The following PAWR variants were observed in gnomAD, a reference collection of about 807,000 sequenced individuals.
The protein encoded by PAWR is PRKC apoptosis WT1 regulator protein.
In PAWR, 23 loss-of-function variants were observed where a neutral mutation model predicts 32.0. That is an observed-to-expected ratio of 0.72 (90% CI 0.52 to 1.02). The LOEUF (loss-of-function observed/expected upper bound fraction) is 1.02, where lower values mean the gene tolerates loss of function less well. Ranked by LOEUF, PAWR falls within the 50% of genes least tolerant of loss-of-function variation. The pLI is 0.00. For synonymous variants in PAWR, 226 were observed against 187.1 expected (o/e 1.21, Z -1.70); for missense variants, 457 against 437.7 (o/e 1.04, Z -0.39).
Position 79,613,378 on chromosome 12 carries a change from CAA to C in PAWR, c.683+195_683+196del, listed in dbSNP as rs1874527741. Reference sequence around the variant, plus strand: ...CCCATGCAAATTCACAGTGAGTTTTCAAAGACTTCGGCATGTCAGAATAAGCC... The same window carrying C: ...CCCATGCAAATTCACAGTGAGTTTTCAGACTTCGGCATGTCAGAATAAGCC... On this transcript the variant is annotated intron_variant, in intron 4 of 6. Transcript: ENST00000328827. Among the ~76,000 whole-genome samples, 3 of 152,152 alleles carry C rather than the reference CAA, an allele frequency of 2.0e-5. No homozygotes were observed. The South Asian group carries it at 6.2e-4, about 32-fold the overall frequency.
intron 2 of PAWR, among the ~76,000 whole-genome samples, chr12:79,632,323 A>G (rs1592516129): frequency 3.5e-5 from 1 of 28,930 alleles, no homozygotes; most frequent in South Asian, 9.2e-4. Flanking sequence ...ATATATATAT[A>G]TATATATATA....
At position 79,589,291 on chromosome 12, in the gene PAWR, T is replaced by C. The variant is rs1873477903; in HGVS notation, c.*3316A>G. The C allele has an allele frequency of 6.6e-6, 1 of 152,076 alleles. No individual in the cohort carries two copies. Among genetic ancestry groups the C allele is most frequent in the South Asian group, 2.1e-4 (1 of 4,828 alleles). The allele number at this position is 152,076 out of a possible 1,614,324, so 9.4% of individuals were successfully genotyped here. A position where few individuals can be genotyped will look rare whatever the true frequency, so the allele number is the denominator to read the frequency against. On this transcript the variant is annotated 3_prime_UTR_variant, in exon 7 of 7. Coordinates refer to ENST00000328827, the MANE Select transcript of PAWR (RefSeq NM_002583.4). ...TGTCTTACAGTGTTGAATATATGAATGCTTCTCTATTACACTGACTTGTAC... is the reference window on the plus strand; with the variant it reads ...TGTCTTACAGTGTTGAATATATGAACGCTTCTCTATTACACTGACTTGTAC...
intron 4 of PAWR, chr12:79,596,925 A>C: frequency 5.7e-6 from 2 of 352,054 alleles, no homozygotes; most frequent in Non-Finnish European, 1.0e-5. Flanking sequence ...AGCAAACACA[A>C]ACATGGACTC....
At chr12:79,678,595 C>T (rs1878284899) in intron 2 of PAWR, among the ~76,000 whole-genome samples, 1 of 152,230 alleles carries the variant, frequency 6.6e-6, no homozygotes, top group African/African-American at 2.4e-5. Flanking sequence ...AAATAAAAAC[C>T]TACCTCATGA....
chr12:79,657,408 C>T (rs527467566), intron 2 of PAWR, among the ~76,000 whole-genome samples: 2 of 150,586 alleles, frequency 1.3e-5, no homozygotes, highest in African/African-American at 4.9e-5. Context: ...GTCACCTACA[C>T]TTCAATATAT....
In PAWR at chr12:79,596,907, G is replaced by T. The variant is rs567698211; in HGVS notation, c.684-249C>A. The T allele has an allele frequency of 4.9e-4, 188 of 380,418 alleles. 1 individual carries two copies. Among genetic ancestry groups the T allele is most frequent in the African/African-American group, 3.4e-3 (164 of 47,968 alleles). The allele number at this position is 380,418 out of a possible 1,614,324, so 23.6% of individuals were successfully genotyped here. On this transcript the variant is annotated intron_variant, in intron 4 of 6. Transcript: ENST00000328827. ...AACGAACACTGTTCTGGATACTGAA[G>T]ACGTAACAGCAAACACAAACATGGA... is the stretch of plus-strand genomic sequence containing the variant.
chr12:79,631,226 T>C (rs2136743462), intron 2 of PAWR, among the ~76,000 whole-genome samples: 3 of 152,248 alleles, frequency 2.0e-5, no homozygotes, highest in Middle Eastern at 3.4e-3. Context: ...AAATCAATCT[T>C]TTCCCCTGGG....
intron 2 of PAWR, among the ~76,000 whole-genome samples, chr12:79,681,528 C>A (rs1447161795): frequency 6.6e-6 from 1 of 152,130 alleles, no homozygotes; most frequent in Non-Finnish European, 1.5e-5. Flanking sequence ...TAAAAATACT[C>A]ATGATGAGTG....
At chr12:79,593,828 G>A (rs1312026618) in intron 6 of PAWR, among the ~76,000 whole-genome samples, 1 of 149,742 alleles carries the variant, frequency 6.7e-6, no homozygotes, top group African/African-American at 2.5e-5. Context: ...TCAACCTTCT[G>A]AGTAGCTGAG....
rs1471785107 is a variant in PAWR, at chr12:79,637,251, TG to T, written c.517-16045del. Among the ~76,000 whole-genome samples, 6 of 152,258 alleles carry T rather than the reference TG, an allele frequency of 3.9e-5. 1 individual carries two copies. Among genetic ancestry groups the T allele is most frequent in the African/African-American group, 1.4e-4 (6 of 41,552 alleles). ...ACCATGTGTGTGGATTAAGTGCCTG[TG>T]CTTTCCAAAATGAGTTACTATAACC... On this transcript the variant is annotated intron_variant, in intron 2 of 6. Coordinates refer to ENST00000328827, the MANE Select transcript of PAWR (RefSeq NM_002583.4).
At chr12:79,634,139 C>T (rs1352473842) in intron 2 of PAWR, among the ~76,000 whole-genome samples, 1 of 152,074 alleles carries the variant, frequency 6.6e-6, no homozygotes, top group African/African-American at 2.4e-5. Flanking sequence ...TAAGTAAATA[C>T]ATATTTTATT....
At chr12:79,686,163 A>G (rs907478338) in intron 2 of PAWR, among the ~76,000 whole-genome samples, 4 of 152,140 alleles carry the variant, frequency 2.6e-5, no homozygotes, top group African/African-American at 4.8e-5. Flanking sequence ...TGCCACCTCT[A>G]CCTATTCAAA....
At chr12:79,682,076 C>G (rs544416747) in intron 2 of PAWR, among the ~76,000 whole-genome samples, 216 of 152,248 alleles carry the variant, frequency 1.4e-3, no homozygotes, top group Non-Finnish European at 2.7e-3. Flanking sequence ...TTAATTTCAT[C>G]TGTTTCAGTT....
intron 2 of PAWR, among the ~76,000 whole-genome samples, chr12:79,638,898 T>A (rs11114199): frequency 0.073 from 450 of 6,152 alleles, no homozygotes; most frequent in East Asian, 0.11. Context: ...ATATATATAT[T>A]TTTTTTTTTT....
At chr12:79,597,423 T>C (rs764397653) in intron 4 of PAWR, among the ~76,000 whole-genome samples, 2 of 152,130 alleles carry the variant, frequency 1.3e-5, no homozygotes, top group Admixed American at 6.6e-5. Flanking sequence ...TTACAATCTT[T>C]CATGGACCAA....
At chr12:79,663,384 C>T (rs1877440249) in intron 2 of PAWR, among the ~76,000 whole-genome samples, 1 of 152,166 alleles carries the variant, frequency 6.6e-6, no homozygotes, top group Non-Finnish European at 1.5e-5. Context: ...ACAGTTTACA[C>T]CTTAATCAGA....
chr12:79,690,466 C>T, intron 1 of PAWR, 75 bp from the exon 2 acceptor site: 2 of 976,884 alleles, frequency 2.0e-6, no homozygotes, highest in Non-Finnish European at 2.7e-6. Context: ...TGCCCCCGGG[C>T]TGCGCCCCTT....
chr12:79,605,381 A>T (rs1044244819), intron 4 of PAWR, among the ~76,000 whole-genome samples: 3 of 152,184 alleles, frequency 2.0e-5, no homozygotes, highest in Admixed American at 1.3e-4. Flanking sequence ...ATAGTTTATT[A>T]TATACAGTAG....
intron 4 of PAWR, among the ~76,000 whole-genome samples, chr12:79,600,434 GATTAAA>G (rs889019902): frequency 6.1e-5 from 9 of 147,610 alleles, no homozygotes; most frequent in African/African-American, 2.0e-4. Flanking sequence ...GAAGAAGTGT[GATTAAA>G]ATTAACGAGA....
Sources: allele counts gnomAD v4.1 joint callset (sites outside exome capture counted in the v4.1 genomes callset), GRCh38; gene constraint gnomAD v4.1.1; transcripts MANE v1.5; gene names NCBI Gene and HGNC (gene_info 2026-07-23, HGNC 2026-07-21).